The following DNAJB4 variants were observed in gnomAD, a reference collection of about 807,000 sequenced individuals.
The protein encoded by DNAJB4 is dnaJ homolog subfamily B member 4.
Under a neutral mutation model 26.6 loss-of-function variants are expected in DNAJB4, and 10 were observed. That is an observed-to-expected ratio of 0.38 (90% confidence interval 0.23 to 0.64). The LOEUF is 0.64. DNAJB4 is among the 30% of genes least tolerant of loss of function. The probability of loss-of-function intolerance (pLI) is 0.58; values close to 1 mark genes in which losing one functional copy is unlikely to be tolerated. For missense variants in DNAJB4, 328 were observed against 408.2 expected, an observed-to-expected ratio of 0.80 and a Z score of 1.69; for synonymous variants, 136 against 134.8, an observed-to-expected ratio of 1.01 and a Z score of -0.06.
chr1:78,012,162 T>TC (rs1354401633), intron 1 of DNAJB4, among the ~76,000 whole-genome samples: 3 of 128,578 alleles, frequency 2.3e-5, no homozygotes, highest in African/African-American at 6.0e-5. Context: ...TTCTTTTCTT[T>TC]TTTTTTTTTT....
At chr1:78,000,126 CTGTG>C (rs1476146570), upstream of DNAJB4, among the ~76,000 whole-genome samples, 3 of 152,008 alleles carry the variant, frequency 2.0e-5, no homozygotes, top group Non-Finnish European at 2.9e-5. Flanking sequence ...AATTGGACAG[CTGTG>C]TGTGTATGTG....
upstream of DNAJB4, chr1:78,004,354 T>C (rs1404637956): frequency 6.6e-6 from 1 of 152,240 alleles, no homozygotes; most frequent in East Asian, 1.9e-4. Context: ...CCTTTACTTA[T>C]TTTAAAATAA....
chr1:77,991,408 A>T (rs1659928744), intron 1 of DNAJB4, among the ~76,000 whole-genome samples: 1 of 152,188 alleles, frequency 6.6e-6, no homozygotes, highest in African/African-American at 2.4e-5. Flanking sequence ...AAATGCTTTC[A>T]AGGTCATTTT....
intron 1 of DNAJB4, among the ~76,000 whole-genome samples, chr1:78,005,756 A>G (rs1163903209): frequency 6.6e-6 from 1 of 152,220 alleles, no homozygotes; most frequent in African/African-American, 2.4e-5. Context: ...GGCATTTCAG[A>G]TTCTGAGTAG....
At chr1:78,005,870 C>A (rs572421938) in intron 1 of DNAJB4, among the ~76,000 whole-genome samples, 1 of 152,168 alleles carries the variant, frequency 6.6e-6, no homozygotes. Flanking sequence ...AAGCAGAAGG[C>A]GCAGGCATTT....
At chr1:77,990,943 G>A (rs1199285648) in intron 1 of DNAJB4, among the ~76,000 whole-genome samples, 1 of 152,170 alleles carries the variant, frequency 6.6e-6, no homozygotes, top group East Asian at 1.9e-4. Flanking sequence ...ACAGGACCCC[G>A]CTGGTTACAA....
At chr1:78,009,037 T>C (rs1660401398) in intron 1 of DNAJB4, among the ~76,000 whole-genome samples, 1 of 152,184 alleles carries the variant, frequency 6.6e-6, no homozygotes, top group Non-Finnish European at 1.5e-5. Context: ...GTTTAAATGA[T>C]AAAACTTGTA....
chr1:77,987,613 C>G (rs553643263), intron 1 of DNAJB4, among the ~76,000 whole-genome samples: 24 of 152,108 alleles, frequency 1.6e-4, no homozygotes, highest in Non-Finnish European at 2.2e-4. Flanking sequence ...TCCCTTCTCC[C>G]CTCTCTATTT....
chr1:77,990,407 T>C (rs1028112159), intron 1 of DNAJB4, among the ~76,000 whole-genome samples: 1 of 152,262 alleles, frequency 6.6e-6, no homozygotes, highest in African/African-American at 2.4e-5. Context: ...GAATATCTCC[T>C]GGATGTCTTC....
chr1:77,979,259 T>A (rs772483669), upstream of DNAJB4: 2 of 460,384 alleles, frequency 4.3e-6, no homozygotes, highest in African/African-American at 2.0e-5. Flanking sequence ...GAGAACAGAA[T>A]TTCTTTTGGC....
chr1:77,988,032 T>TTC lies in DNAJB4; in HGVS notation c.-32+7710_-32+7711insTC, dbSNP rs1491157817. On this transcript the variant is annotated intron_variant, in intron 1 of 2. Transcript: ENST00000426517. The stretch of plus-strand genomic sequence containing the variant: ...ATATATATATGTGTGTGTGTGTATT[T>TTC]CCCCCCCCCCCCAGACAGTGTCTCA... 2.0e-3 allele frequency among the ~76,000 whole-genome samples: 254 copies of TTC among 124,296 alleles called. 4 individuals carry two copies. Among genetic ancestry groups the TTC allele is most frequent in the African/African-American group, 7.0e-3 (235 of 33,336 alleles). The allele number at this position is 124,296 out of a possible 152,430, so 81.5% of individuals were successfully genotyped here.
chr1:77,979,250 A>C (rs1659379275), upstream of DNAJB4: 1 of 476,680 alleles, frequency 2.1e-6, no homozygotes, highest in Non-Finnish European at 3.8e-6. Context: ...AGACTTCGCG[A>C]GAACAGAATT....
rs116290171 is a variant in DNAJB4 at position 77,988,249 on chromosome 1, G to A, written c.-32+7927G>A. Among the ~76,000 whole-genome samples, 454 of 152,060 alleles carry A rather than the reference G, an allele frequency of 3.0e-3. 4 individuals carry two copies. The highest frequency in any genetic ancestry group is 0.01 in the African/African-American group (430 of 41,478). ...TATTGTCCAGGCTAGTCTGAAACTC[G>A]TGGCCTCAAGCTATCCTCCTGCCTC... On this transcript the variant is annotated intron_variant, in intron 1 of 2. Coordinates refer to the DNAJB4 transcript ENST00000426517.
At chr1:77,982,590 A>T (rs1659680306) in intron 1 of DNAJB4, among the ~76,000 whole-genome samples, 1 of 152,182 alleles carries the variant, frequency 6.6e-6, no homozygotes, top group Non-Finnish European at 1.5e-5. Flanking sequence ...CTAAGGTCAG[A>T]AGTTCAAGAC....
intron 1 of DNAJB4, among the ~76,000 whole-genome samples, chr1:78,010,235 G>A (rs950499488): frequency 1.3e-5 from 2 of 152,012 alleles, no homozygotes; most frequent in African/African-American, 4.8e-5. Context: ...AGGCTAGATT[G>A]GGCAGGCTGA....
intron 1 of DNAJB4, among the ~76,000 whole-genome samples, chr1:77,999,228 C>T (rs902450035): frequency 6.6e-6 from 1 of 152,012 alleles, no homozygotes; most frequent in Non-Finnish European, 1.5e-5. Context: ...AGCCTAGTAC[C>T]CTCTAGTTTT....
At chr1:77,995,621 CTGTTT>C (rs570803069) in intron 1 of DNAJB4, among the ~76,000 whole-genome samples, 2 of 152,112 alleles carry the variant, frequency 1.3e-5, no homozygotes, top group East Asian at 1.9e-4. Flanking sequence ...TCTGGCTAAT[CTGTTT>C]TATTTTTTGT....
chr1:77,986,306 A>C (rs939236549), intron 1 of DNAJB4, among the ~76,000 whole-genome samples: 1 of 152,194 alleles, frequency 6.6e-6, no homozygotes, highest in African/African-American at 2.4e-5. Context: ...TAACTACTCG[A>C]AATGCAATTT....
rs779175704 is a variant in DNAJB4 at position 78,013,259 on chromosome 1, T to C, written c.420T>C (p.Asn140=). Residue 140 remains asparagine (N), a synonymous_variant, in exon 2 of 3, where the codon AAT becomes AAC. Coordinates refer to ENST00000370763, the MANE Select transcript of DNAJB4 (RefSeq NM_007034.5). ...TTAGTGCCTTTGGTTTCAGCATGAATGGATATCCAAGAGACAGGAATTCTG... is the reference window on the plus strand; with the variant it reads ...TTAGTGCCTTTGGTTTCAGCATGAACGGATATCCAAGAGACAGGAATTCTG... The part of the protein sequence containing the change: ...DPFSAFGFSM[N]GYPRDRNSVG... The C allele has an allele frequency of 1.2e-6, 2 of 1,614,050 alleles. No individual in the cohort carries two copies. Among genetic ancestry groups the C allele is most frequent in the Middle Eastern group, 3.3e-4 (2 of 6,084 alleles).
Sources: allele counts gnomAD v4.1 joint callset (sites outside exome capture counted in the v4.1 genomes callset), GRCh38; gene constraint gnomAD v4.1.1; transcripts MANE v1.5; gene names NCBI Gene and HGNC (gene_info 2026-07-23, HGNC 2026-07-21).